Variants in KRT6A observed in about 807,000 individuals in gnomAD.
KRT6A encodes the protein keratin 6A.
Under a neutral mutation model 48.6 loss-of-function variants are expected in KRT6A, and 28 were observed. The observed-to-expected ratio is 0.58, with a 90% CI of 0.43 to 0.79. The LOEUF is 0.79. Among genes scored for constraint, KRT6A ranks in the 30% least tolerant of loss-of-function variants. The pLI is 0.00. For missense variants in KRT6A, 687 were observed against 724.3 expected, an observed-to-expected ratio of 0.95 and a Z score of 0.59; for synonymous variants, 301 against 294.2, an observed-to-expected ratio of 1.02 and a Z score of -0.24.
Position 52,487,278 on chromosome 12 carries a change from C to G in KRT6A, c.*442G>C, listed in dbSNP as rs1938159866. The G allele has an allele frequency of 1.6e-5, 4 of 248,516 alleles. No individual in the cohort carries two copies. The South Asian group carries it at 2.4e-4, about 15-fold the overall frequency. 15.4% of individuals were successfully genotyped at this position (248,516 alleles called of 1,614,324 possible). ...TACATCATAGGACTAGTCACTTGTG[C>G]TTTCATGGATACTGCCTGGGTGGGG... On this transcript the variant is annotated 3_prime_UTR_variant, in exon 9 of 9. Coordinates refer to ENST00000330722, the MANE Select transcript of KRT6A (RefSeq NM_005554.4).
Position 52,493,201 on chromosome 12 carries a change from TGAGAGA to T in KRT6A, c.-19_-14del, listed in dbSNP as rs1938306693. 3.3e-5 allele frequency: 54 copies of T among 1,613,946 alleles called. No homozygotes were observed. Among genetic ancestry groups the T allele is most frequent in the Non-Finnish European group, 4.5e-5 (53 of 1,179,982 alleles). On this transcript the variant is annotated 5_prime_UTR_variant, in exon 1 of 9. Coordinates refer to ENST00000330722, the MANE Select transcript of KRT6A (RefSeq NM_005554.4). ...ATGTGCTGGCCATGGTTCCAGGAGA[TGAGAGA>T]GCTGAGGAGAGTGTGAGAGGCTGGA... is the stretch of plus-strand genomic sequence containing the variant.
Position 52,490,665 on chromosome 12 carries a change from G to C in KRT6A, c.981C>G (p.Asn327Lys), listed in dbSNP as rs756357205. The C allele has an allele frequency of 5.0e-6, 8 of 1,614,202 alleles. No homozygotes were observed. In the South Asian group the frequency reaches 8.8e-5, roughly 18 times the overall value. ...SVVLSMDNNR[N>K]LDLDSIIAEV... ...CAGCGATGATGCTGTCCAGGTCCAG[G>C]TTGCGGTTGTTGTCCATGGACAGCA... The change falls in exon 5 of 9, where the codon AAC (asparagine) becomes AAG (lysine). Residue 327 changes from asparagine (N) to lysine (K), a missense_variant. By Grantham distance (94) the Asn-to-Lys change is moderately conservative. Around this residue, in one of 3 missense-constraint regions of KRT6A, gnomAD observed 566 missense variants for 565.3 expected, o/e 1.00. Coordinates refer to ENST00000330722, the MANE Select transcript of KRT6A (RefSeq NM_005554.4).
At chr12:52,492,458 C>T (rs1011807970) in intron 1 of KRT6A, among the ~76,000 whole-genome samples, 191 bp downstream of exon 1, 1 of 152,168 alleles carries the variant, frequency 6.6e-6, no homozygotes, top group African/African-American at 2.4e-5. Flanking sequence ...GAGTGAGGGC[C>T]ACTCCAGAGA....
intron 5 of KRT6A, 50 bp from the exon 6 acceptor site, chr12:52,490,118 G>A: frequency 1.1e-5 from 18 of 1,612,776 alleles, no homozygotes; most frequent in Non-Finnish European, 1.4e-5. Flanking sequence ...TTCTTACCTG[G>A]GAGCGATGAC....
rs1192280203 is a variant in KRT6A at position 52,492,648 on chromosome 12, C to A, written c.540+1G>T. 21 of 1,614,074 alleles carry A rather than the reference C, an allele frequency of 1.3e-5. No individual in the cohort carries two copies. Among genetic ancestry groups the A allele is most frequent in the Non-Finnish European group, 1.8e-5 (21 of 1,179,926 alleles). On this transcript the variant is annotated splice_donor_variant, in intron 1 of 8. Coordinates refer to ENST00000330722, the MANE Select transcript of KRT6A (RefSeq NM_005554.4). LOFTEE classifies it high-confidence loss of function. ...CCATGGAGGGCATGGCACTGGCTCA[C>A]CTTGTCGATGAAGGAGGCAAACTTG...
intron 5 of KRT6A, 178 bp downstream of exon 5, chr12:52,490,391 C>T: frequency 1.7e-6 from 2 of 1,180,980 alleles, no homozygotes; most frequent in Non-Finnish European, 2.5e-6. Flanking sequence ...GCATTGGGTT[C>T]TTTTTCCTTC....
In KRT6A at chr12:52,492,807, G is replaced by C; in HGVS notation, c.382C>G (p.Pro128Ala). Residue 128 changes from proline (P) to alanine (A), a missense_variant, in exon 1 of 9, where the codon CCT becomes GCT. Pro to Ala is a conservative substitution (Grantham distance 27, BLOSUM62 -1). This residue lies in a region of KRT6A where 566 missense variants were observed against 565.3 expected (regional missense o/e 1.00). Coordinates refer to ENST00000330722, the MANE Select transcript of KRT6A (RefSeq NM_005554.4). Reference sequence around the variant, plus strand: ...TGGATGCCTCCAGGGGGGCACACAGGGAAGCCAGGGCCCCCAAAGCCACCA... The same window carrying C: ...TGGATGCCTCCAGGGGGGCACACAGCGAAGCCAGGGCCCCCAAAGCCACCA... Reference protein sequence around the residue: ...LAGGFGGPGFPVCPPGGIQEV... With the variant: ...LAGGFGGPGFAVCPPGGIQEV... 6.2e-7 allele frequency: 1 copy of C among 1,613,062 alleles called. No individual in the cohort carries two copies. The highest frequency in any genetic ancestry group is 8.5e-7 in the Non-Finnish European group (1 of 1,179,704).
intron 6 of KRT6A, among the ~76,000 whole-genome samples, chr12:52,488,785 T>G (rs562342153): frequency 6.6e-6 from 1 of 152,322 alleles, no homozygotes; most frequent in African/African-American, 2.4e-5. Flanking sequence ...GGATATTTAC[T>G]AATGGGAGAC....
rs200885123 is a variant in KRT6A at position 52,487,714 on chromosome 12, C to T, written c.*6G>A. 675 of 1,614,154 alleles carry T rather than the reference C, an allele frequency of 4.2e-4. 3 individuals are homozygous for T. The highest frequency in any genetic ancestry group is 5.3e-4 in the Admixed American group (32 of 60,022). Reference sequence around the variant, plus strand: ...GACTGTGGGACCGAGAGCTAGCAGACGCACTTTAGTGCTTATAGCTCTTCC... The same window carrying T: ...GACTGTGGGACCGAGAGCTAGCAGATGCACTTTAGTGCTTATAGCTCTTCC... On this transcript the variant is annotated 3_prime_UTR_variant, in exon 9 of 9. Transcript: ENST00000330722.
At chr12:52,488,138 G>A in intron 7 of KRT6A, 35 bp from the exon 8 acceptor site, 1 of 1,613,990 alleles carries the variant, frequency 6.2e-7, no homozygotes, top group Non-Finnish European at 8.5e-7. Flanking sequence ...TGAGACCTCA[G>A]AGAGCTCTTC....
At chr12:52,490,820 C>T (rs539049954) in intron 4 of KRT6A, 38 bp downstream of exon 4, 2 of 1,614,028 alleles carry the variant, frequency 1.2e-6, no homozygotes, top group African/African-American at 2.7e-5. Context: ...CTTTGCAGAC[C>T]CCATCAGAGT....
At chr12:52,490,243 C>G (rs543140031) in intron 5 of KRT6A, 175 bp from the exon 6 acceptor site, 59 of 1,269,250 alleles carry the variant, frequency 4.6e-5, no homozygotes, top group Middle Eastern at 2.6e-4. Flanking sequence ...AGTCACAGAC[C>G]ATCCTCATTA....
intron 1 of KRT6A, 52 bp downstream of exon 1, chr12:52,492,597 C>T (rs1592186387): frequency 5.6e-6 from 9 of 1,613,842 alleles, no homozygotes; most frequent in Non-Finnish European, 7.6e-6. Flanking sequence ...GGTGTTGCTC[C>T]TCTGGTCTGG....
At position 52,493,143 on chromosome 12, in the gene KRT6A, G is replaced by A. The variant is rs767267061; in HGVS notation, c.46C>T (p.Arg16Trp). The A allele has an allele frequency of 9.3e-6, 15 of 1,613,960 alleles. No individual in the cohort carries two copies. The highest frequency in any genetic ancestry group is 1.7e-5 in the Admixed American group (1 of 60,006). The change falls in exon 1 of 9, where the codon CGG (arginine) becomes TGG (tryptophan). Residue 16 changes from arginine (R) to tryptophan (W), a missense_variant. Arg to Trp is a moderately radical substitution (Grantham distance 101). Coordinates refer to ENST00000330722, the MANE Select transcript of KRT6A (RefSeq NM_005554.4). ...TTIRSHSSSRRGFSANSARLP... is the reference protein window; with the variant it reads ...TTIRSHSSSRWGFSANSARLP... ...CTGGCTGAGTTGGCACTGAAACCCC[G>A]GCGGCTGCTGCTGTGGCTCCTGATG...
chr12:52,490,221 A>T, intron 5 of KRT6A, 153 bp from the exon 6 acceptor site: 1 of 1,448,040 alleles, frequency 6.9e-7, no homozygotes, highest in Non-Finnish European at 9.6e-7. Context: ...GTTGGTGGAT[A>T]CTAAACACTG....
chr12:52,489,330 G>C (rs1028894747), intron 6 of KRT6A, among the ~76,000 whole-genome samples: 3 of 152,056 alleles, frequency 2.0e-5, no homozygotes, highest in Admixed American at 1.3e-4. Flanking sequence ...CCAGGCTGGA[G>C]TGCAGTGGCG....
rs201823807 is a variant in KRT6A, at chr12:52,487,740, T to C, written c.1675A>G (p.Arg559Gly). The C allele has an allele frequency of 1.2e-5, 20 of 1,614,054 alleles. No homozygotes were observed. The highest frequency in any genetic ancestry group is 1.6e-5 in the Non-Finnish European group (19 of 1,180,028). ...IKYTTTSSSSRKSYKH is the reference protein window; with the variant it reads ...IKYTTTSSSSGKSYKH ...GCACTTTAGTGCTTATAGCTCTTCC[T>C]GCTGGAGGAGGAGGTGGTGGTGTAC... The change falls in exon 9 of 9, where the codon AGG becomes GGG. Residue 559 changes from arginine (R) to glycine (G), a missense_variant. Arg to Gly is a moderately radical substitution (Grantham distance 125, BLOSUM62 -2). Transcript: ENST00000330722.
chr12:52,490,994 C>T, intron 3 of KRT6A, 41 bp from the exon 4 acceptor site: 2 of 1,613,888 alleles, frequency 1.2e-6, no homozygotes, highest in South Asian at 2.2e-5. Flanking sequence ...CTGAGCTCAC[C>T]TTTCCAATCT....
intron 6 of KRT6A, among the ~76,000 whole-genome samples, chr12:52,489,066 A>G (rs3858631): frequency 0.2 from 30,829 of 152,056 alleles, 3,395 homozygotes; most frequent in Admixed American, 0.31. Context: ...AGCAGATTTG[A>G]AACAATGTTC....
Sources: allele counts gnomAD v4.1 joint callset (sites outside exome capture counted in the v4.1 genomes callset), GRCh38; gene constraint gnomAD v4.1.1; regional missense constraint gnomAD v4.1.1; transcripts MANE v1.5; gene names NCBI Gene and HGNC (gene_info 2026-07-23, HGNC 2026-07-21).